Variants in PLA2G4E observed in about 807,000 individuals in gnomAD.
PLA2G4E encodes phospholipase A2 group IVE.
PLA2G4E carries 84 observed loss-of-function variants against 109.1 expected under a neutral mutation model. That is an observed-to-expected ratio of 0.77 (90% CI 0.65 to 0.92). The LOEUF (loss-of-function observed/expected upper bound fraction) is 0.92, where lower values mean the gene tolerates loss of function less well. Ranked by LOEUF, PLA2G4E falls within the 40% of genes least tolerant of loss-of-function variation. PLA2G4E has a pLI of 0.00. For synonymous variants in PLA2G4E, 469 were observed against 436.1 expected (o/e 1.08, Z -0.94); for missense variants, 1,057 against 1,076.6 (o/e 0.98, Z 0.25).
intron 18 of PLA2G4E, 77 bp downstream of exon 18, chr15:41,985,762 C>T (rs1015322129): frequency 8.7e-6 from 13 of 1,487,204 alleles, no homozygotes; most frequent in South Asian, 4.9e-5. Context: ...CAGTTCACAG[C>T]GAGTGAGGCC....
intron 2 of PLA2G4E, among the ~76,000 whole-genome samples, chr15:42,009,626 C>T (rs930166640): frequency 6.6e-6 from 1 of 152,190 alleles, no homozygotes; most frequent in Non-Finnish European, 1.5e-5. Context: ...CCCACCCCTG[C>T]CCTGTGTGTG....
chr15:41,998,243 C>T (rs2068373167), intron 10 of PLA2G4E: 2 of 152,256 alleles, frequency 1.3e-5, no homozygotes, highest in South Asian at 4.1e-4. Flanking sequence ...CATGTCTCCT[C>T]TTTGTCCAGC....
At chr15:42,010,255 T>C (rs561646636) in intron 2 of PLA2G4E, 2 of 441,644 alleles carry the variant, frequency 4.5e-6, no homozygotes, top group Admixed American at 2.6e-5. Flanking sequence ...CATGATTTGA[T>C]GGACCCTGTA....
chr15:42,009,948 T>C (rs1373427042), intron 2 of PLA2G4E: 5 of 246,740 alleles, frequency 2.0e-5, no homozygotes, highest in Non-Finnish European at 8.3e-6. Context: ...ACCCCTATGC[T>C]GCTCTGCAAC....
At chr15:42,035,411 G>A (rs1465968238) in intron 1 of PLA2G4E, among the ~76,000 whole-genome samples, 3 of 152,332 alleles carry the variant, frequency 2.0e-5, no homozygotes, top group South Asian at 2.1e-4. Context: ...GATGAAAAGC[G>A]TTGGTTATTG....
At chr15:42,038,454 C>T (rs1317501373) in intron 1 of PLA2G4E, among the ~76,000 whole-genome samples, 1 of 152,224 alleles carries the variant, frequency 6.6e-6, no homozygotes, top group Non-Finnish European at 1.5e-5. Flanking sequence ...TGATGGGAGA[C>T]AGTGACAGAT....
At chr15:42,014,401 T>C (rs775537554) in intron 1 of PLA2G4E, among the ~76,000 whole-genome samples, 3 of 152,200 alleles carry the variant, frequency 2.0e-5, no homozygotes, top group Non-Finnish European at 2.9e-5. Flanking sequence ...TGAACGCCCA[T>C]GGCAAGGGAG....
intron 18 of PLA2G4E, among the ~76,000 whole-genome samples, chr15:41,985,280 C>T (rs1368525114): frequency 6.6e-6 from 1 of 152,156 alleles, no homozygotes; most frequent in Non-Finnish European, 1.5e-5. Flanking sequence ...TTCATTGTTG[C>T]CCTGTTGGTC....
At chr15:41,985,959 G>A in exon 18 of PLA2G4E, 1 of 1,604,894 alleles carries the variant, frequency 6.2e-7, no homozygotes, top group Non-Finnish European at 8.5e-7. Flanking sequence ...GGCACAGGTG[G>A]TTCGCGGACT....
chr15:41,984,081 C>A (rs1030477792), intron 19 of PLA2G4E, 107 bp from the exon 20 acceptor site: 2 of 996,912 alleles, frequency 2.0e-6, no homozygotes, highest in Non-Finnish European at 3.0e-6. Context: ...CGGACACACA[C>A]ACCTGCATGA....
chr15:42,025,838 C>A (rs1041461556), intron 1 of PLA2G4E, among the ~76,000 whole-genome samples: 7 of 152,096 alleles, frequency 4.6e-5, no homozygotes, highest in African/African-American at 1.7e-4. Flanking sequence ...GCTAGCTTAC[C>A]ATTTGGAATA....
intron 1 of PLA2G4E, among the ~76,000 whole-genome samples, chr15:42,040,210 A>G (rs1889292762): frequency 6.6e-6 from 1 of 151,268 alleles, no homozygotes; most frequent in Non-Finnish European, 1.5e-5. Flanking sequence ...ACACGCACAC[A>G]CACACACCTA....
intron 10 of PLA2G4E, 47 bp from the exon 11 acceptor site, chr15:41,997,306 C>G: frequency 1.3e-6 from 2 of 1,485,704 alleles, no homozygotes; most frequent in Non-Finnish European, 1.8e-6. Flanking sequence ...CTCTACCTCC[C>G]TGGAGTAGAC....
intron 12 of PLA2G4E, 122 bp from the exon 13 acceptor site, chr15:41,993,081 G>T: frequency 1.3e-6 from 1 of 793,008 alleles, no homozygotes; most frequent in Non-Finnish European, 2.0e-6. Context: ...AGGGGAACCT[G>T]GAGAGTAGGG....
chr15:42,032,884 G>T (rs770828172), intron 1 of PLA2G4E, among the ~76,000 whole-genome samples: 2 of 152,186 alleles, frequency 1.3e-5, no homozygotes, highest in South Asian at 2.1e-4. Flanking sequence ...TTTGGGTTAC[G>T]TGAAAACAGA....
At chr15:42,029,216 C>T (rs559217803) in intron 1 of PLA2G4E, among the ~76,000 whole-genome samples, 34 of 152,288 alleles carry the variant, frequency 2.2e-4, no homozygotes, top group Admixed American at 1.9e-3. Flanking sequence ...ATGTTAGCCT[C>T]CCGAGTAACT....
chr15:42,033,094 G>A (rs1889143296), intron 1 of PLA2G4E, among the ~76,000 whole-genome samples: 1 of 152,180 alleles, frequency 6.6e-6, no homozygotes, highest in Non-Finnish European at 1.5e-5. Flanking sequence ...TATATTGTGT[G>A]AGTGTGTGTG....
chr15:41,984,871 T>C (rs764195975), intron 18 of PLA2G4E, among the ~76,000 whole-genome samples: 59 of 152,314 alleles, frequency 3.9e-4, no homozygotes, highest in Non-Finnish European at 6.5e-4. Flanking sequence ...GGTGTTCGCA[T>C]CCAAACACAG....
exon 8 of PLA2G4E, chr15:42,000,231 A>C: frequency 1.3e-6 from 2 of 1,583,388 alleles, no homozygotes; most frequent in Non-Finnish European, 1.7e-6. Context: ...GCAGGGCCGG[A>C]CACGCTGGGT....
Sources: gnomAD v4.1 joint callset for allele counts (sites outside exome capture counted in the v4.1 genomes callset) on GRCh38, gnomAD v4.1.1 for gene constraint, MANE v1.5 for transcripts, NCBI Gene and HGNC (gene_info 2026-07-23, HGNC 2026-07-21) for gene names.